Variants in ARMCX4 observed in about 807,000 individuals in gnomAD.
ARMCX4 encodes the protein armadillo repeat containing X-linked 4.
A neutral mutation model predicts 34.7 loss-of-function variants in ARMCX4; 3 were observed. The observed-to-expected ratio is 0.09, with a 90% CI of 0.04 to 0.22. The LOEUF (loss-of-function observed/expected upper bound fraction) is 0.22. ARMCX4 is among the 10% of genes least tolerant of loss of function. ARMCX4 has a pLI of 1.00. For synonymous variants in ARMCX4, 513 were observed against 632.8 expected, an observed-to-expected ratio of 0.81 and a Z score of 2.84; for missense variants, 1,448 against 1,720.8, an observed-to-expected ratio of 0.84 and a Z score of 2.81.
upstream of ARMCX4, among the ~76,000 whole-genome samples, chrX:101,484,154 A>G (rs906644698): frequency 1.6e-4 from 18 of 111,581 alleles, no homozygotes; most frequent in African/African-American, 5.9e-4. Flanking sequence ...GGAAAAAAAT[A>G]ATGACACGGA....
chrX:101,435,671 G>T (rs1930692534), intron 2 of ARMCX4, among the ~76,000 whole-genome samples: 1 of 108,977 alleles, frequency 9.2e-6, no homozygotes, highest in South Asian at 3.9e-4. Context: ...GTCAATTTTG[G>T]CTTTTGTTGC....
intron 2 of ARMCX4, among the ~76,000 whole-genome samples, chrX:101,419,549 G>GT (rs1929110076): frequency 8.9e-6 from 1 of 112,231 alleles, no homozygotes; most frequent in Admixed American, 9.5e-5. Flanking sequence ...TAGCAGCAAA[G>GT]TAAGACATAA....
chrX:101,480,564 TA>T (rs782585084), upstream of ARMCX4, among the ~76,000 whole-genome samples: 1 of 111,446 alleles, frequency 9.0e-6, no homozygotes, highest in South Asian at 3.8e-4. Context: ...AAACCCTGTC[TA>T]AAAAAGTAAA....
intron 2 of ARMCX4, among the ~76,000 whole-genome samples, chrX:101,433,147 C>CGTGTAT (rs1930358188): frequency 2.0e-5 from 2 of 98,490 alleles, no homozygotes; most frequent in Admixed American, 1.1e-4. Flanking sequence ...TATATACTCA[C>CGTGTAT]ATATACACAT....
intron 4 of ARMCX4, 171 bp from the exon 5 acceptor site, chrX:101,487,871 GAA>G: frequency 3.5e-6 from 1 of 286,902 alleles, no homozygotes; most frequent in Non-Finnish European, 6.3e-6. Flanking sequence ...CTGGTACAGG[GAA>G]AAGAGTGTGA....
chrX:101,529,461 A>G (rs1302839929), intron 11 of ARMCX4, among the ~76,000 whole-genome samples: 1 of 112,135 alleles, frequency 8.9e-6, no homozygotes, highest in African/African-American at 3.2e-5. Flanking sequence ...AGCAATGGCA[A>G]CAAAAGCCAA....
At position 101,494,662 on chromosome X, in the gene ARMCX4, A is replaced by C. The variant is rs1472198609; in HGVS notation, c.6073A>C (p.Thr2025Pro). 4.3e-6 allele frequency: 5 copies of C among 1,152,906 alleles called. No individual in the cohort carries two copies. The Admixed American group carries it at 1.3e-4, about 30-fold the overall frequency. Reference sequence around the variant, plus strand: ...AAAACAAACCAGGACTGGGGAAAAAACTCGGCCCTGGTCTTGCCGCTGTAA... The same window carrying C: ...AAAACAAACCAGGACTGGGGAAAAACCTCGGCCCTGGTCTTGCCGCTGTAA... ...SRKQTRTGEK[T>P]RPWSCRCKHE... Residue 2025 changes from threonine to proline, a missense_variant, in exon 6 of 6, where the codon ACT (threonine) becomes CCT (proline). Thr to Pro is a conservative substitution (Grantham distance 38). Transcript: ENST00000423738.
chrX:101,451,373 A>G (rs1555999051), downstream of ARMCX4, among the ~76,000 whole-genome samples: 1 of 111,471 alleles, frequency 9.0e-6, no homozygotes, highest in Admixed American at 9.6e-5. Context: ...GCTAAGTCTC[A>G]TGATCACTGC....
intron 2 of ARMCX4, among the ~76,000 whole-genome samples, chrX:101,435,335 T>C (rs1930643081): frequency 9.0e-6 from 1 of 111,665 alleles, no homozygotes; most frequent in South Asian, 3.7e-4. Flanking sequence ...CCATTCTAAC[T>C]GGTGTGAGAT....
chrX:101,466,278 CAT>C (rs1375567903), intron 4 of ARMCX4, among the ~76,000 whole-genome samples: 1 of 112,007 alleles, frequency 8.9e-6, no homozygotes, highest in Admixed American at 9.5e-5. Context: ...CTGGAACTCT[CAT>C]ATGATTCTAG....
chrX:101,489,428 C>G lies in ARMCX4; in HGVS notation c.839C>G (p.Ala280Gly). ...GCTGGAGTGGACATGAAGTCCTGTG[C>G]ACAGTCTCAGGCTGTGACCAAGATC... is the stretch of plus-strand genomic sequence containing the variant. ...EVAGVDMKSCAQSQAVTKIQG... is the reference protein window; with the variant it reads ...EVAGVDMKSCGQSQAVTKIQG... Residue 280 changes from alanine to glycine, a missense_variant, in exon 6 of 6, where the codon GCA becomes GGA. By Grantham distance (60) the Ala-to-Gly change is moderately conservative. Transcript: ENST00000423738. The G allele has an allele frequency of 2.6e-6, 3 of 1,155,360 alleles. No homozygotes were observed. Among genetic ancestry groups the G allele is most frequent in the Non-Finnish European group, 3.4e-6 (3 of 872,619 alleles).
chrX:101,433,244 A>G lies in ARMCX4; in HGVS notation n.165-10808A>G, dbSNP rs1272772003. Among the ~76,000 whole-genome samples, 19 of 29,442 alleles carry G rather than the reference A, an allele frequency of 6.5e-4. 1 individual carries two copies. The highest frequency in any genetic ancestry group is 1.9e-3 in the Non-Finnish European group (17 of 9,091). The allele number at this position is 29,442 out of a possible 115,157, so 25.6% of individuals were successfully genotyped here. Reference sequence around the variant, plus strand: ...TATACATATATGTACACATATGTATATATACACACATATATACATATATGT... The same window carrying G: ...TATACATATATGTACACATATGTATGTATACACACATATATACATATATGT... On this transcript the variant is annotated intron_variant and non_coding_transcript_variant, in intron 2 of 3. Transcript: ENST00000430461.
chrX:101,504,003 A>G (rs1211591712), intron 7 of ARMCX4, among the ~76,000 whole-genome samples: 3 of 111,611 alleles, frequency 2.7e-5, no homozygotes, highest in East Asian at 2.8e-4. Context: ...CTTTCTACAT[A>G]TGGCTAGCCA....
chrX:101,495,379 G>A lies in ARMCX4; in HGVS notation c.6790G>A (p.Ala2264Thr). 1 of 1,151,627 alleles carries A rather than the reference G, an allele frequency of 8.7e-7. No homozygotes were observed. Among genetic ancestry groups the A allele is most frequent in the South Asian group, 1.9e-5 (1 of 51,638 alleles). The allele number at this position is 1,151,627 out of a possible 1,213,427, so 94.9% of individuals were successfully genotyped here. The stretch of plus-strand genomic sequence containing the variant: ...CCTATTCCAACGACCTAAAGCATGT[G>A]CCAAGAAACTTCGAGCCTTAGCAGC... ...YFLFQRPKAC[A>T]KKLRALAAEC... is the part of the protein sequence containing the mutation. The change falls in exon 6 of 6, where the codon GCC (alanine) becomes ACC (threonine). Residue 2264 changes from alanine (A) to threonine (T), a missense_variant. Transcript: ENST00000423738.
At chrX:101,480,725 T>C (rs1256166405), upstream of ARMCX4, among the ~76,000 whole-genome samples, 1 of 111,079 alleles carries the variant, frequency 9.0e-6, no homozygotes, top group African/African-American at 3.3e-5. Flanking sequence ...AATAGGAAAA[T>C]ACTCAAAGGA....
intron 4 of ARMCX4, among the ~76,000 whole-genome samples, chrX:101,477,338 G>A: frequency 1.0e-5 from 1 of 99,419 alleles, no homozygotes; most frequent in Non-Finnish European, 2.0e-5. Flanking sequence ...TACTCAGGTA[G>A]CCGAGGCATG....
In ARMCX4 at chrX:101,493,251, C is replaced by A. The variant is rs947206379; in HGVS notation, c.4662C>A (p.Val1554=). Residue 1554 remains valine, a synonymous_variant, in exon 6 of 6, where the codon GTC becomes GTA. Coordinates refer to ENST00000423738, the MANE Select transcript of ARMCX4 (RefSeq NM_001256155.3). ...AGSWDSPGSQ[V]SGSCWTGAGA... ...CCTGGGATAGCCCTGGGAGTCAGGT[C>A]AGTGGAAGCTGCTGGACTGGGGCTG... 8.7e-7 allele frequency: 1 copy of A among 1,155,297 alleles called. No homozygotes were observed.
At chrX:101,528,048 C>T (rs1411336478) in intron 11 of ARMCX4, among the ~76,000 whole-genome samples, 1 of 111,668 alleles carries the variant, frequency 9.0e-6, no homozygotes, top group Non-Finnish European at 1.9e-5. Flanking sequence ...AATTTTATAC[C>T]AATATCCCTG....
intron 11 of ARMCX4, among the ~76,000 whole-genome samples, chrX:101,514,191 C>T (rs1396070057): frequency 9.0e-6 from 1 of 111,191 alleles, no homozygotes; most frequent in African/African-American, 3.3e-5. Flanking sequence ...GATCTTCAGA[C>T]CAGCAGAGCA....
Sources: gnomAD v4.1 joint callset for allele counts (sites outside exome capture counted in the v4.1 genomes callset) on GRCh38, gnomAD v4.1.1 for gene constraint, MANE v1.5 for transcripts, NCBI Gene and HGNC (gene_info 2026-07-23, HGNC 2026-07-21) for gene names.